SLC44A2: variants seen among roughly 807,000 people sequenced by gnomAD.
The protein encoded by SLC44A2 is solute carrier family 44 member 2 (CTL2 blood group), also known as choline transporter-like protein 2.
SLC44A2 carries 57 observed loss-of-function variants against 90.8 expected under a neutral mutation model. The observed-to-expected ratio is 0.63, with a 90% CI of 0.51 to 0.78. The LOEUF is 0.78. Ranked by LOEUF, SLC44A2 falls within the 30% of genes least tolerant of loss-of-function variation. The probability of loss-of-function intolerance (pLI) is 0.00; values close to 1 mark genes in which losing one functional copy is unlikely to be tolerated. For synonymous variants in SLC44A2, 355 were observed against 360.7 expected (o/e 0.98, Z 0.18); for missense variants, 794 against 919.7 (o/e 0.86, Z 1.77).
chr19:10,636,863 A>G (rs888740752), intron 16 of SLC44A2, 107 bp downstream of exon 16: 11 of 1,152,014 alleles, frequency 9.5e-6, no homozygotes, highest in Non-Finnish European at 1.3e-5. Flanking sequence ...ATAATAGAGC[A>G]GTGATGGGTT....
chr19:10,621,125 G>T (rs2066891909), upstream of SLC44A2, among the ~76,000 whole-genome samples: 1 of 152,108 alleles, frequency 6.6e-6, no homozygotes, highest in Admixed American at 6.6e-5. Context: ...AAGGTGGGCA[G>T]ATCACTTGAG....
At chr19:10,642,784 T>C in intron 21 of SLC44A2, 2 of 1,306,270 alleles carry the variant, frequency 1.5e-6, no homozygotes, top group Non-Finnish European at 2.0e-6. Context: ...GTTTTTTTCT[T>C]CTCTCTTCCT....
At chr19:10,603,397 C>A (rs976231957) in intron 1 of SLC44A2, among the ~76,000 whole-genome samples, 1 of 152,150 alleles carries the variant, frequency 6.6e-6, no homozygotes, top group Admixed American at 6.6e-5. Flanking sequence ...CCCAGCCCCA[C>A]GTGATACTAC....
intron 10 of SLC44A2, among the ~76,000 whole-genome samples, chr19:10,634,464 CA>C (rs57865437): frequency 0.047 from 4,741 of 101,018 alleles, 213 homozygotes; most frequent in African/African-American, 0.15. Flanking sequence ...AACTCCGTCT[CA>C]AAAAAAAAAA....
At chr19:10,640,686 G>T (rs2067105897) in intron 20 of SLC44A2, among the ~76,000 whole-genome samples, 1 of 152,302 alleles carries the variant, frequency 6.6e-6, no homozygotes. Flanking sequence ...AAATGGGACT[G>T]GGTCTAGTGA....
At chr19:10,641,407 A>C in intron 20 of SLC44A2, 1 of 451,426 alleles carries the variant, frequency 2.2e-6, no homozygotes, top group South Asian at 1.6e-5. Context: ...AAAAAAACAA[A>C]AAAAAAACGC....
In SLC44A2 at chr19:10,632,078, TTCA is replaced by T. The variant is rs1339523578; in HGVS notation, c.751_753del (p.Ile251del). 1 of 1,614,164 alleles carries T rather than the reference TTCA, an allele frequency of 6.2e-7. No homozygotes were observed. The highest frequency in any genetic ancestry group is 1.7e-5 in the Admixed American group (1 of 60,010). ...CATTGCCATGGCGATGAGCCTCCTG[TTCA>T]TCATCCTGCTTCGCTTCCTGGCTGG... On this transcript the variant is annotated inframe_deletion, in exon 10 of 22. Coordinates refer to ENST00000335757, the MANE Select transcript of SLC44A2 (RefSeq NM_020428.4).
At chr19:10,635,773 C>CTTT (rs773477557) in intron 14 of SLC44A2, 351 of 205,888 alleles carry the variant, frequency 1.7e-3, no homozygotes, top group African/African-American at 7.1e-3. Flanking sequence ...TCCCTACTTC[C>CTTT]TTTTTTTTTT....
intron 8 of SLC44A2, 25 bp downstream of exon 8, chr19:10,631,774 A>T (rs780559808): frequency 1.2e-6 from 2 of 1,614,084 alleles, no homozygotes; most frequent in South Asian, 2.2e-5. Flanking sequence ...GCACCGCGCC[A>T]GGGTCTCACT....
At chr19:10,607,330 A>G (rs1233127625) in intron 1 of SLC44A2, among the ~76,000 whole-genome samples, 1 of 151,836 alleles carries the variant, frequency 6.6e-6, no homozygotes, top group Non-Finnish European at 1.5e-5. Context: ...ACCCCGGACC[A>G]TACTTTATTC....
At chr19:10,641,682 CA>C (rs2067117722) in intron 20 of SLC44A2, among the ~76,000 whole-genome samples, 1 of 151,824 alleles carries the variant, frequency 6.6e-6, no homozygotes, top group African/African-American at 2.4e-5. Flanking sequence ...CCCATCTCTA[CA>C]AAAAATACAA....
chr19:10,618,155 C>T (rs2066870166), intron 1 of SLC44A2, among the ~76,000 whole-genome samples: 1 of 149,060 alleles, frequency 6.7e-6, no homozygotes, highest in South Asian at 2.1e-4. Flanking sequence ...CAGGCGCCTG[C>T]CACCATGCCT....
At chr19:10,621,427 T>G (rs1323994142), upstream of SLC44A2, among the ~76,000 whole-genome samples, 2 of 141,582 alleles carry the variant, frequency 1.4e-5, no homozygotes, top group South Asian at 2.2e-4. Context: ...TGGGTGTTTT[T>G]TTTTTTTTTT....
At chr19:10,642,569 G>A (rs969406087) in intron 21 of SLC44A2, 118 bp downstream of exon 21, 15 of 974,950 alleles carry the variant, frequency 1.5e-5, no homozygotes, top group Non-Finnish European at 2.2e-5. Flanking sequence ...CCAGGGCTTG[G>A]CTGTCCCTCG....
At chr19:10,619,194 C>G (rs2066879360) in intron 1 of SLC44A2, among the ~76,000 whole-genome samples, 1 of 151,404 alleles carries the variant, frequency 6.6e-6, no homozygotes, top group Admixed American at 6.6e-5. Flanking sequence ...CTTTGAGAAG[C>G]CGAGGCAGGT....
chr19:10,635,591 T>C lies in SLC44A2; in HGVS notation c.1233+76T>C, dbSNP rs538934549. 3.1e-5 allele frequency: 42 copies of C among 1,340,684 alleles called. 1 individual carries two copies. In the South Asian group the frequency reaches 4.9e-4, roughly 16 times the overall value. The allele number at this position is 1,340,684 out of a possible 1,614,324, so 83.0% of individuals were successfully genotyped here. A position where few individuals can be genotyped will look rare whatever the true frequency, so the allele number is the denominator to read the frequency against. ...ATGATTTGAAACCTCTCATGTCCACTTGGAGGTTCAGCAAACAATTGGCCC... is the reference window on the plus strand; with the variant it reads ...ATGATTTGAAACCTCTCATGTCCACCTGGAGGTTCAGCAAACAATTGGCCC... On this transcript the variant is annotated intron_variant, in intron 14 of 21. Transcript: ENST00000335757.
chr19:10,637,396 T>C, intron 16 of SLC44A2: 1 of 506,444 alleles, frequency 2.0e-6, no homozygotes, highest in South Asian at 2.4e-5. Context: ...GAGGAAGGGC[T>C]CTGGGGCTGG....
chr19:10,621,432 T>TG (rs1275794054), upstream of SLC44A2, among the ~76,000 whole-genome samples: 2 of 143,072 alleles, frequency 1.4e-5, no homozygotes, highest in Admixed American at 6.9e-5. Flanking sequence ...GTTTTTTTTT[T>TG]TTTTTTTTTG....
At chr19:10,604,783 T>C (rs555268423) in intron 1 of SLC44A2, among the ~76,000 whole-genome samples, 1 of 152,260 alleles carries the variant, frequency 6.6e-6, no homozygotes, top group African/African-American at 2.4e-5. Flanking sequence ...CTGGTAGTAC[T>C]GGGGACATGG....
Sources: gnomAD v4.1 joint callset for allele counts (sites outside exome capture counted in the v4.1 genomes callset) on GRCh38, gnomAD v4.1.1 for gene constraint, MANE v1.5 for transcripts, NCBI Gene and HGNC (gene_info 2026-07-23, HGNC 2026-07-21) for gene names.